SNX6: variants seen among roughly 807,000 people sequenced by gnomAD.
SNX6 encodes sorting nexin-6.
Under a neutral mutation model 63.0 loss-of-function variants are expected in SNX6, and 34 were observed. The ratio of observed to expected loss-of-function variants is 0.54; its 90% CI spans 0.41 to 0.72. The LOEUF (loss-of-function observed/expected upper bound fraction) is 0.72, where lower values mean the gene tolerates loss of function less well. Ranked by LOEUF, SNX6 falls within the 30% of genes least tolerant of loss-of-function variation. The probability of loss-of-function intolerance (pLI) is 0.00; values close to 1 mark genes in which losing one functional copy is unlikely to be tolerated. For synonymous variants in SNX6, 170 were observed against 164.2 expected, an observed-to-expected ratio of 1.04 and a Z score of -0.27; for missense variants, 398 against 471.4, an observed-to-expected ratio of 0.84 and a Z score of 1.44.
chr14:34,627,333 G>A (rs1320933145), intron 2 of SNX6, among the ~76,000 whole-genome samples: 1 of 152,196 alleles, frequency 6.6e-6, no homozygotes, highest in African/African-American at 2.4e-5. Flanking sequence ...TGTAGTCCCA[G>A]CTACTCAGGA....
At chr14:34,615,095 C>CTAAA (rs1468142694) in intron 2 of SNX6, among the ~76,000 whole-genome samples, 2 of 152,072 alleles carry the variant, frequency 1.3e-5, no homozygotes, top group Non-Finnish European at 2.9e-5. Flanking sequence ...TCCTTCTATA[C>CTAAA]TAAATATACT....
rs918139773 is a variant in SNX6, at chr14:34,629,297, T to A, written c.54+610A>T. On this transcript the variant is annotated intron_variant, in intron 2 of 13. Coordinates refer to ENST00000362031, the MANE Select transcript of SNX6 (RefSeq NM_152233.4). ...ATACCTCAAAGAAGCTAAGGGGGAA[T>A]AAAACACCAAGGAAATCCTGCCAAA... Among the ~76,000 whole-genome samples the A allele has an allele frequency of 2.0e-5, 3 of 151,606 alleles. No individual in the cohort carries two copies. The South Asian group carries it at 6.2e-4, about 32-fold the overall frequency.
At chr14:34,587,069 A>G (rs2138307199) in intron 8 of SNX6, among the ~76,000 whole-genome samples, 1 of 151,680 alleles carries the variant, frequency 6.6e-6, no homozygotes, top group South Asian at 2.1e-4. Flanking sequence ...TTCTTCATTA[A>G]TAGACGTGAC....
chr14:34,617,122 A>T (rs928167544), intron 2 of SNX6, among the ~76,000 whole-genome samples: 1 of 151,348 alleles, frequency 6.6e-6, no homozygotes, highest in African/African-American at 2.5e-5. Context: ...TAGTGAGTTC[A>T]GTTTGAAGAA....
At chr14:34,599,328 G>A (rs1882713994) in intron 6 of SNX6, among the ~76,000 whole-genome samples, 2 of 152,126 alleles carry the variant, frequency 1.3e-5, no homozygotes, top group African/African-American at 4.8e-5. Flanking sequence ...TCTCTGGGCT[G>A]GGCACGGTGG....
At chr14:34,608,765 C>T (rs909407641) in intron 3 of SNX6, among the ~76,000 whole-genome samples, 1 of 152,126 alleles carries the variant, frequency 6.6e-6, no homozygotes, top group East Asian at 1.9e-4. Flanking sequence ...CGGTGGCTCA[C>T]GCCTGTAATC....
At chr14:34,564,929 T>C (rs1300921340) in intron 13 of SNX6, among the ~76,000 whole-genome samples, 2 of 151,922 alleles carry the variant, frequency 1.3e-5, no homozygotes, top group Non-Finnish European at 2.9e-5. Context: ...ATAATAAGTA[T>C]TTTAGGCTGT....
Position 34,617,607 on chromosome 14 carries a change from C to CAA in SNX6, c.55-7867_55-7866dup, listed in dbSNP as rs34716944. ...TGGGTGACAGAGTGAGACCCTGTCT[C>CAA]AAAAAAAAAAAAAAAAAAAAAAAAA... On this transcript the variant is annotated intron_variant, in intron 2 of 13. Coordinates refer to ENST00000362031, the MANE Select transcript of SNX6 (RefSeq NM_152233.4). Among the ~76,000 whole-genome samples, 99 of 66,922 alleles carry CAA rather than the reference C, an allele frequency of 1.5e-3. 1 individual carries two copies. The highest frequency in any genetic ancestry group is 2.3e-3 in the Non-Finnish European group (77 of 33,870). 43.9% of individuals were successfully genotyped at this position (66,922 alleles called of 152,430 possible). A position where few individuals can be genotyped will look rare whatever the true frequency, so the allele number is the denominator to read the frequency against.
At chr14:34,614,468 G>C (rs948930343) in intron 2 of SNX6, among the ~76,000 whole-genome samples, 1 of 151,224 alleles carries the variant, frequency 6.6e-6, no homozygotes, top group African/African-American at 2.4e-5. Context: ...TCCAAAACCA[G>C]AAACAGAATC....
intron 4 of SNX6, among the ~76,000 whole-genome samples, chr14:34,606,578 G>A (rs965860859): frequency 7.9e-5 from 12 of 151,214 alleles, no homozygotes; most frequent in Non-Finnish European, 1.6e-4. Context: ...TCCGCCTCCC[G>A]AGTAGCTGGG....
chr14:34,583,960 G>A (rs1210990174), intron 9 of SNX6, among the ~76,000 whole-genome samples: 1 of 150,978 alleles, frequency 6.6e-6, no homozygotes, highest in Non-Finnish European at 1.5e-5. Context: ...CGATTCTCCT[G>A]CCTCAGCCTC....
chr14:34,629,071 T>C (rs28688993), intron 2 of SNX6, among the ~76,000 whole-genome samples: 1 of 150,974 alleles, frequency 6.6e-6, no homozygotes, highest in African/African-American at 2.4e-5. Context: ...GGGGGGTGAG[T>C]GGGTGGAGCG....
chr14:34,608,154 G>A lies in SNX6; in HGVS notation c.160-14C>T. On this transcript the variant is annotated splice_polypyrimidine_tract_variant and intron_variant, in intron 3 of 13. Coordinates refer to ENST00000362031, the MANE Select transcript of SNX6 (RefSeq NM_152233.4). ...TGGCAATGAACTCTGTAAAGATAGAGATTTTCTTGAATAAAAATCAAATTT... is the reference window on the plus strand; with the variant it reads ...TGGCAATGAACTCTGTAAAGATAGAAATTTTCTTGAATAAAAATCAAATTT... 2 of 1,448,886 alleles carry A rather than the reference G, an allele frequency of 1.4e-6. No homozygotes were observed. Among genetic ancestry groups the A allele is most frequent in the Non-Finnish European group, 9.5e-7 (1 of 1,050,224 alleles). 89.8% of individuals were successfully genotyped at this position (1,448,886 alleles called of 1,614,324 possible). A position where few individuals can be genotyped will look rare whatever the true frequency, so the allele number is the denominator to read the frequency against.
intron 11 of SNX6, among the ~76,000 whole-genome samples, chr14:34,570,208 T>C (rs1382775709): frequency 1.3e-5 from 2 of 151,744 alleles, no homozygotes; most frequent in Admixed American, 1.3e-4. Context: ...ACCTTGAGAT[T>C]ACAGGCATGT....
At chr14:34,625,640 C>T (rs748063159) in intron 2 of SNX6, among the ~76,000 whole-genome samples, 69 of 152,064 alleles carry the variant, frequency 4.5e-4, no homozygotes, top group African/African-American at 1.6e-3. Flanking sequence ...GAGGCTGAGA[C>T]AGGAGAATCA....
intron 6 of SNX6, among the ~76,000 whole-genome samples, chr14:34,602,147 C>T (rs939919658): frequency 1.3e-5 from 2 of 150,774 alleles, no homozygotes; most frequent in African/African-American, 2.4e-5. Context: ...AAAATTAGGC[C>T]GGGCGCAGTG....
chr14:34,565,302 C>T (rs1354980198), intron 13 of SNX6, among the ~76,000 whole-genome samples: 1 of 151,982 alleles, frequency 6.6e-6, no homozygotes. Context: ...TGGTCTCGAT[C>T]TCCTGACCTC....
intron 2 of SNX6, among the ~76,000 whole-genome samples, chr14:34,617,737 C>G (rs905327063): frequency 2.6e-5 from 4 of 151,256 alleles, no homozygotes; most frequent in African/African-American, 7.3e-5. Context: ...CTGGCTAACA[C>G]GGTGAAACCC....
chr14:34,596,056 A>T (rs1882583746), intron 7 of SNX6, among the ~76,000 whole-genome samples: 1 of 151,760 alleles, frequency 6.6e-6, no homozygotes, highest in Non-Finnish European at 1.5e-5. Context: ...CATCTGTACT[A>T]AAAATACAAA....
Sources: gnomAD v4.1 joint callset for allele counts (sites outside exome capture counted in the v4.1 genomes callset) on GRCh38, gnomAD v4.1.1 for gene constraint, MANE v1.5 for transcripts, NCBI Gene and HGNC (gene_info 2026-07-23, HGNC 2026-07-21) for gene names.